TMEM108: variants seen among roughly 807,000 people sequenced by gnomAD.
TMEM108 encodes cancer/testis antigen 124.
TMEM108 carries 12 observed loss-of-function variants against 35.1 expected under a neutral mutation model. The observed-to-expected ratio is 0.34, with a 90% CI of 0.22 to 0.55. The LOEUF (loss-of-function observed/expected upper bound fraction) is 0.55, where lower values mean the gene tolerates loss of function less well. Ranked by LOEUF, TMEM108 falls within the 20% of genes least tolerant of loss-of-function variation. The pLI is 0.89. For synonymous variants in TMEM108, 287 were observed against 308.6 expected, an observed-to-expected ratio of 0.93 and a Z score of 0.73; for missense variants, 680 against 753.3, an observed-to-expected ratio of 0.90 and a Z score of 1.14.
intron 2 of TMEM108, among the ~76,000 whole-genome samples, chr3:133,165,763 A>G (rs1288386154): frequency 1.3e-5 from 2 of 152,248 alleles, no homozygotes; most frequent in Non-Finnish European, 2.9e-5. Flanking sequence ...GGCTAAACAT[A>G]CATGTTGAAC....
At chr3:133,316,814 GA>G (rs2071205131) in intron 3 of TMEM108, among the ~76,000 whole-genome samples, 1 of 152,204 alleles carries the variant, frequency 6.6e-6, no homozygotes, top group South Asian at 2.1e-4. Flanking sequence ...AGGGTGAGCT[GA>G]AGAACAGGGC....
intron 4 of TMEM108, among the ~76,000 whole-genome samples, chr3:133,385,742 T>A (rs2073131862): frequency 6.6e-6 from 1 of 152,214 alleles, no homozygotes; most frequent in Non-Finnish European, 1.5e-5. Context: ...GCTTGTGGAA[T>A]CAAACATACC....
chr3:133,165,988 G>A (rs1945031368), intron 2 of TMEM108, among the ~76,000 whole-genome samples: 1 of 152,216 alleles, frequency 6.6e-6, no homozygotes, highest in Non-Finnish European at 1.5e-5. Flanking sequence ...GTCCATGGTT[G>A]GTGGTCTTCT....
intron 4 of TMEM108, among the ~76,000 whole-genome samples, chr3:133,384,834 C>T (rs980890671): frequency 5.9e-5 from 9 of 152,220 alleles, no homozygotes; most frequent in African/African-American, 2.2e-4. Context: ...CACCCATCCT[C>T]CCTGCAAGAA....
intron 3 of TMEM108, among the ~76,000 whole-genome samples, chr3:133,295,557 C>T (rs140713596): frequency 6.6e-6 from 1 of 152,184 alleles, no homozygotes; most frequent in East Asian, 1.9e-4. Context: ...CTAGAAAGGC[C>T]CTCCTTACTT....
intron 2 of TMEM108, among the ~76,000 whole-genome samples, chr3:133,217,982 T>C (rs950135173): frequency 6.6e-6 from 1 of 152,052 alleles, no homozygotes; most frequent in Non-Finnish European, 1.5e-5. Flanking sequence ...TTGATAGGAA[T>C]TGCATTGAAT....
intron 2 of TMEM108, among the ~76,000 whole-genome samples, chr3:133,155,332 G>A (rs1944864828): frequency 6.6e-6 from 1 of 152,158 alleles, no homozygotes; most frequent in Non-Finnish European, 1.5e-5. Context: ...ATGTGTGCAT[G>A]TGTTTTTAAG....
intron 2 of TMEM108, among the ~76,000 whole-genome samples, chr3:133,205,231 G>A (rs1945735106): frequency 6.6e-6 from 1 of 151,452 alleles, no homozygotes; most frequent in South Asian, 2.1e-4. Flanking sequence ...CCTGAATACA[G>A]CACACCAGTG....
chr3:133,140,318 G>C (rs150553153), intron 2 of TMEM108, among the ~76,000 whole-genome samples: 50 of 152,118 alleles, frequency 3.3e-4, no homozygotes, highest in African/African-American at 1.0e-3. Flanking sequence ...TATCTCCTAC[G>C]AGCCCTGCAG....
At chr3:133,354,004 G>A (rs1209025337) in intron 3 of TMEM108, among the ~76,000 whole-genome samples, 1 of 152,222 alleles carries the variant, frequency 6.6e-6, no homozygotes, top group Non-Finnish European at 1.5e-5. Flanking sequence ...CAATAAGGCT[G>A]CAGGAGGCAG....
At chr3:133,279,576 C>A (rs1452667998) in intron 3 of TMEM108, among the ~76,000 whole-genome samples, 1 of 152,208 alleles carries the variant, frequency 6.6e-6, no homozygotes, top group African/African-American at 2.4e-5. Flanking sequence ...TTGGCTAAGG[C>A]AGACCCCTCA....
intron 2 of TMEM108, among the ~76,000 whole-genome samples, chr3:133,052,910 A>T (rs891468991): frequency 2.6e-5 from 4 of 152,126 alleles, no homozygotes; most frequent in Non-Finnish European, 4.4e-5. Flanking sequence ...ATTGAGAATC[A>T]CTGACTGCTA....
rs960525993 is a variant in TMEM108 at position 133,389,300 on chromosome 3, G to C, written c.1451-880G>C. 4 of 985,400 alleles carry C rather than the reference G, an allele frequency of 4.1e-6. No homozygotes were observed. The African/African-American group carries it at 7.0e-5, about 17-fold the overall frequency. The allele number at this position is 985,400 out of a possible 1,614,324, so 61.0% of individuals were successfully genotyped here. A position where few individuals can be genotyped will look rare whatever the true frequency, so the allele number is the denominator to read the frequency against. The stretch of plus-strand genomic sequence containing the variant: ...AACAGACAGGGTCACATGTCACACT[G>C]TGCTCAGTCAAGCTGTGTGGAGCCC... On this transcript the variant is annotated intron_variant, in intron 4 of 5. Coordinates refer to ENST00000321871, the MANE Select transcript of TMEM108 (RefSeq NM_023943.4).
intron 3 of TMEM108, among the ~76,000 whole-genome samples, chr3:133,372,161 T>C (rs1208524338): frequency 6.6e-6 from 1 of 152,210 alleles, no homozygotes; most frequent in Non-Finnish European, 1.5e-5. Context: ...GATTTGTTTT[T>C]TTGTCATGGT....
chr3:133,044,657 A>T (rs557763835), intron 1 of TMEM108, among the ~76,000 whole-genome samples: 15 of 152,318 alleles, frequency 9.8e-5, no homozygotes, highest in African/African-American at 3.6e-4. Flanking sequence ...ATGCACATGC[A>T]CCTTAAAGTC....
chr3:133,126,906 A>AT (rs1360378993), intron 2 of TMEM108, among the ~76,000 whole-genome samples: 1 of 152,100 alleles, frequency 6.6e-6, no homozygotes. Flanking sequence ...TATCTGTATT[A>AT]TTTTTTGTTG....
chr3:133,307,282 A>T (rs144831613), intron 3 of TMEM108, among the ~76,000 whole-genome samples: 17 of 152,272 alleles, frequency 1.1e-4, no homozygotes, highest in Admixed American at 8.5e-4. Flanking sequence ...GCCCTTTGTC[A>T]TATAGGTAGA....
chr3:133,187,211 T>G (rs1455109575), intron 2 of TMEM108, among the ~76,000 whole-genome samples: 6 of 152,250 alleles, frequency 3.9e-5, no homozygotes, highest in Admixed American at 1.3e-4. Flanking sequence ...AACTTTTATC[T>G]TATATTTTAA....
chr3:133,373,242 G>A (rs567086865), intron 3 of TMEM108, among the ~76,000 whole-genome samples: 4 of 151,980 alleles, frequency 2.6e-5, no homozygotes, highest in African/African-American at 9.7e-5. Flanking sequence ...CCAGCTACTC[G>A]GGAGGCTGAG....
Sources: allele counts gnomAD v4.1 joint callset (sites outside exome capture counted in the v4.1 genomes callset), GRCh38; gene constraint gnomAD v4.1.1; transcripts MANE v1.5; gene names NCBI Gene and HGNC (gene_info 2026-07-23, HGNC 2026-07-21).